Variants in CD300A observed in about 807,000 individuals in gnomAD.
CD300A encodes CMRF35-like molecule 8.
Under a neutral mutation model 33.6 loss-of-function variants are expected in CD300A, and 22 were observed. The observed-to-expected ratio is 0.66, with a 90% confidence interval of 0.47 to 0.94. CD300A has a LOEUF of 0.94. CD300A is among the 40% of genes least tolerant of loss of function. The pLI is 0.00. For missense variants in CD300A, 326 were observed against 360.5 expected (o/e 0.90, Z 0.77); for synonymous variants, 136 against 148.1 (o/e 0.92, Z 0.59).
intron 3 of CD300A, among the ~76,000 whole-genome samples, chr17:74,476,967 G>A (rs1439499631): frequency 2.0e-5 from 3 of 152,100 alleles, no homozygotes; most frequent in East Asian, 1.9e-4. Flanking sequence ...AGAACAGCAC[G>A]TGTGTGTATG....
chr17:74,468,555 C>T (rs1365525504), intron 1 of CD300A, among the ~76,000 whole-genome samples: 2 of 152,092 alleles, frequency 1.3e-5, no homozygotes, highest in Non-Finnish European at 2.9e-5. Context: ...CTGGCCTCCA[C>T]CTCCTGGGAT....
intron 4 of CD300A, 85 bp downstream of exon 4, chr17:74,477,615 G>A (rs1337655168): frequency 1.5e-5 from 13 of 840,388 alleles, no homozygotes; most frequent in African/African-American, 8.4e-5. Flanking sequence ...CTATGTCCAC[G>A]TCCCACAGTA....
chr17:74,479,081 G>A (rs772108868), intron 4 of CD300A, among the ~76,000 whole-genome samples: 4 of 152,080 alleles, frequency 2.6e-5, no homozygotes, highest in Non-Finnish European at 5.9e-5. Flanking sequence ...ATTGTAGGAA[G>A]TTTGAAAAAT....
Position 74,477,432 on chromosome 17 carries a change from C to T in CD300A, c.534-4C>T, listed in dbSNP as rs2144525561. On this transcript the variant is annotated splice_region_variant and splice_polypyrimidine_tract_variant and intron_variant, in intron 3 of 6. Transcript: ENST00000360141. ...CCGCCCTTACCATCCTGTGCCTCCT[C>T]CAGGCTCCCGCTGCTCCTCTCCCTG... 2 of 1,612,736 alleles carry T rather than the reference C, an allele frequency of 1.2e-6. No individual in the cohort carries two copies. Among genetic ancestry groups the T allele is most frequent in the Non-Finnish European group, 1.7e-6 (2 of 1,179,078 alleles).
intron 1 of CD300A, among the ~76,000 whole-genome samples, chr17:74,470,771 C>T (rs1906046740): frequency 6.6e-6 from 1 of 152,014 alleles, no homozygotes; most frequent in Non-Finnish European, 1.5e-5. Context: ...GCCTCAGCCT[C>T]CTGAGTAGCT....
intron 4 of CD300A, among the ~76,000 whole-genome samples, chr17:74,478,128 T>C (rs1906602300): frequency 6.6e-6 from 1 of 152,168 alleles, no homozygotes; most frequent in Non-Finnish European, 1.5e-5. Context: ...CTGGGTTTGC[T>C]CTGGGCTGGA....
At chr17:74,470,304 CCCT>C in intron 1 of CD300A, 45 of 896,800 alleles carry the variant, frequency 5.0e-5, no homozygotes, top group Non-Finnish European at 5.9e-5. Flanking sequence ...TATAATGACA[CCCT>C]CACAGGTGGA....
chr17:74,469,977 T>C, intron 1 of CD300A: 1 of 985,442 alleles, frequency 1.0e-6, no homozygotes, highest in South Asian at 4.7e-5. Context: ...CTTTCTGTGT[T>C]GTGTGTGGGT....
chr17:74,482,271 T>C (rs1906908733), intron 6 of CD300A, among the ~76,000 whole-genome samples: 1 of 151,702 alleles, frequency 6.6e-6, no homozygotes, highest in South Asian at 2.1e-4. Context: ...CCTCCCTGGG[T>C]CGTGACCCAC....
chr17:74,480,626 C>G lies in CD300A; in HGVS notation c.629-663C>G, dbSNP rs1363387525. The stretch of plus-strand genomic sequence containing the variant: ...CCCACAGTCTGATGCAGCCCTAAGC[C>G]CCAGATGCACAGGGCTTTTCAGTGG... On this transcript the variant is annotated intron_variant, in intron 4 of 6. Coordinates refer to ENST00000360141, the MANE Select transcript of CD300A (RefSeq NM_007261.4). This position sits in a 1 kb window ranked among gnomAD's most constrained non-coding sequence, Gnocchi z 4.2. Among the ~76,000 whole-genome samples the G allele has an allele frequency of 1.3e-5, 2 of 152,216 alleles. No individual in the cohort carries two copies. Among genetic ancestry groups the G allele is most frequent in the Admixed American group, 6.5e-5 (1 of 15,294 alleles).
chr17:74,483,830 A>G (rs553744929), intron 6 of CD300A, among the ~76,000 whole-genome samples, 171 bp from the exon 7 acceptor site: 1 of 152,218 alleles, frequency 6.6e-6, no homozygotes, highest in East Asian at 1.9e-4. Context: ...CCAGTTGGGG[A>G]GGAGCAGCTG....
intron 3 of CD300A, 60 bp downstream of exon 3, chr17:74,474,745 G>A (rs980308246): frequency 2.6e-4 from 401 of 1,572,020 alleles, no homozygotes; most frequent in South Asian, 2.1e-3. Context: ...GGAGCCCAGG[G>A]CGGGGACCTT....
chr17:74,474,431 C>T, intron 2 of CD300A, 101 bp from the exon 3 acceptor site: 4 of 1,209,172 alleles, frequency 3.3e-6, no homozygotes, highest in Non-Finnish European at 4.8e-6. Flanking sequence ...TGCCCCCTTC[C>T]TTAGTGGGCA....
At chr17:74,479,419 AT>A (rs75076322) in intron 4 of CD300A, among the ~76,000 whole-genome samples, 14,115 of 147,792 alleles carry the variant, frequency 0.096, 819 homozygotes, top group East Asian at 0.17. Context: ...TAATGGTTAA[AT>A]TTTTTTTTTT....
At chr17:74,471,442 C>T (rs1906094738) in intron 1 of CD300A, among the ~76,000 whole-genome samples, 1 of 152,106 alleles carries the variant, frequency 6.6e-6, no homozygotes, top group African/African-American at 2.4e-5. Flanking sequence ...ATGTTATTTA[C>T]CAGGCATTTT....
chr17:74,481,675 A>G lies in CD300A; in HGVS notation c.667-51A>G, dbSNP rs1324059132. On this transcript the variant is annotated intron_variant, in intron 5 of 6. Transcript: ENST00000360141. ...GAGACACATGCAGAGACGCAGGGAC[A>G]GAGGCTGCAGGGCTCCGTGGACACC... The G allele has an allele frequency of 5.3e-6, 7 of 1,328,622 alleles. No individual in the cohort carries two copies. In the East Asian group the frequency reaches 1.2e-4, roughly 23 times the overall value. The allele number at this position is 1,328,622 out of a possible 1,614,324, so 82.3% of individuals were successfully genotyped here. A position where few individuals can be genotyped will look rare whatever the true frequency, so the allele number is the denominator to read the frequency against.
chr17:74,480,369 C>T lies in CD300A; in HGVS notation c.629-920C>T, dbSNP rs897248051. 5.3e-5 allele frequency among the ~76,000 whole-genome samples: 8 copies of T among 152,176 alleles called. No individual in the cohort carries two copies. Among genetic ancestry groups the T allele is most frequent in the Admixed American group, 1.3e-4 (2 of 15,288 alleles). Reference sequence around the variant, plus strand: ...GGGCATCAGCAGCGTGTGTGTCACCCGCTGCCCACGTGGTCCGGGCTCCTG... The same window carrying T: ...GGGCATCAGCAGCGTGTGTGTCACCTGCTGCCCACGTGGTCCGGGCTCCTG... On this transcript the variant is annotated intron_variant, in intron 4 of 6. Coordinates refer to ENST00000360141, the MANE Select transcript of CD300A (RefSeq NM_007261.4). The surrounding 1 kb of genome is among the most constrained non-coding windows in gnomAD (Gnocchi z 4.2).
intron 2 of CD300A, among the ~76,000 whole-genome samples, chr17:74,474,220 G>C (rs1447420747): frequency 6.6e-6 from 1 of 152,030 alleles, no homozygotes; most frequent in East Asian, 1.9e-4. Context: ...GCTGTCCTCA[G>C]GGGGAGCCTT....
chr17:74,476,280 A>G (rs1387930270), intron 3 of CD300A, among the ~76,000 whole-genome samples: 1 of 152,152 alleles, frequency 6.6e-6, no homozygotes, highest in African/African-American at 2.4e-5. Flanking sequence ...GACACTCCTA[A>G]TTTTTGGGAC....
Sources: gnomAD v4.1 joint callset for allele counts (sites outside exome capture counted in the v4.1 genomes callset) on GRCh38, gnomAD v4.1.1 for gene constraint, Gnocchi (gnomAD v3.1) non-coding constraint, MANE v1.5 for transcripts, NCBI Gene and HGNC (gene_info 2026-07-23, HGNC 2026-07-21) for gene names.